Variants in SSBP3 observed in about 807,000 individuals in gnomAD.
SSBP3 encodes single-stranded DNA-binding protein 3.
Under a neutral mutation model 69.6 loss-of-function variants are expected in SSBP3, and 5 were observed. The observed-to-expected ratio is 0.07, with a 90% CI of 0.04 to 0.15. The LOEUF is 0.15. SSBP3 is among the 10% of genes least tolerant of loss of function. The pLI is 1.00. For synonymous variants in SSBP3, 196 were observed against 193.4 expected (o/e 1.01, Z -0.11); for missense variants, 312 against 534.0 (o/e 0.58, Z 4.10).
intron 14 of SSBP3, among the ~76,000 whole-genome samples, chr1:54,233,717 G>A (rs1644432225): frequency 6.6e-6 from 1 of 150,744 alleles, no homozygotes; most frequent in Non-Finnish European, 1.5e-5. Context: ...GGGAGGTGGG[G>A]GGGTCAGCCC....
At chr1:54,390,963 G>A (rs76925575) in intron 4 of SSBP3, among the ~76,000 whole-genome samples, 1 of 152,224 alleles carries the variant, frequency 6.6e-6, no homozygotes, top group South Asian at 2.1e-4. Context: ...TGGGCCATCT[G>A]CCCCCTCAGC....
chr1:54,296,052 C>A (rs1220754191), intron 4 of SSBP3, among the ~76,000 whole-genome samples: 1 of 152,238 alleles, frequency 6.6e-6, no homozygotes, highest in Non-Finnish European at 1.5e-5. Flanking sequence ...TGATTGGAGA[C>A]TGCAAAGGAG....
chr1:54,386,683 C>CCTTTTTTTTTTTTTT (rs1648105405), intron 4 of SSBP3, among the ~76,000 whole-genome samples: 10 of 76,138 alleles, frequency 1.3e-4, no homozygotes, highest in African/African-American at 6.9e-4. Flanking sequence ...ACTGATCCTA[C>CCTTTTTTTTTTTTTT]TTTTTTTTTT....
At chr1:54,323,505 T>C (rs555773229) in intron 4 of SSBP3, among the ~76,000 whole-genome samples, 1 of 152,318 alleles carries the variant, frequency 6.6e-6, no homozygotes, top group African/African-American at 2.4e-5. Context: ...TCCAGCCTCC[T>C]GTCCTGGCCT....
chr1:54,278,134 A>G (rs115701078), intron 5 of SSBP3, among the ~76,000 whole-genome samples: 5,300 of 152,202 alleles, frequency 0.035, 224 homozygotes, highest in South Asian at 0.23. Context: ...TCCCTGCTGC[A>G]AAACACCAGA....
intron 5 of SSBP3, 134 bp downstream of exon 5, chr1:54,281,304 T>G (rs925382025): frequency 1.0e-5 from 7 of 686,098 alleles, no homozygotes; most frequent in Admixed American, 3.2e-5. Context: ...AGGGAAGGAT[T>G]TGAACCAGCA....
intron 4 of SSBP3, among the ~76,000 whole-genome samples, chr1:54,369,223 G>GT (rs1016967309): frequency 4.0e-5 from 6 of 150,588 alleles, no homozygotes; most frequent in African/African-American, 1.5e-4. Flanking sequence ...TGAGTCGGGG[G>GT]GGGGGCCCAA....
chr1:54,227,181 AGGG>A, intron 17 of SSBP3, 21 bp from the exon 18 acceptor site: 176 of 524,324 alleles, frequency 3.4e-4, no homozygotes, highest in Non-Finnish European at 4.8e-4. Context: ...GAAGCAGAGA[AGGG>A]GGGGGGGTGA....
chr1:54,288,610 T>C (rs1029845640), intron 4 of SSBP3, among the ~76,000 whole-genome samples: 1 of 150,576 alleles, frequency 6.6e-6, no homozygotes, highest in African/African-American at 2.4e-5. Context: ...GTAGTATTTA[T>C]TCCCCAACAT....
chr1:54,372,686 G>A (rs761308286), intron 4 of SSBP3, among the ~76,000 whole-genome samples: 6 of 152,272 alleles, frequency 3.9e-5, no homozygotes, highest in Admixed American at 1.3e-4. Flanking sequence ...GGTTTCCGAC[G>A]CTCTTCCACC....
rs568438431 is a variant in SSBP3 at position 54,303,636 on chromosome 1, G to A, written c.277-22109C>T. 1.2e-4 allele frequency among the ~76,000 whole-genome samples: 18 copies of A among 152,164 alleles called. No individual in the cohort carries two copies. In the South Asian group the frequency reaches 1.2e-3, roughly 11 times the overall value. The stretch of plus-strand genomic sequence containing the variant: ...ACAGGTCCACCATGCTACAAATCTC[G>A]TGCTCTTAAATCTTTACACTCACAC... On this transcript the variant is annotated intron_variant, in intron 4 of 17. Transcript: ENST00000610401.
In SSBP3 at chr1:54,281,551, G is replaced by A. The variant is rs1275112202; in HGVS notation, c.277-24C>T. 3.2e-6 allele frequency: 5 copies of A among 1,549,448 alleles called. No homozygotes were observed. In the East Asian group the frequency reaches 7.3e-5, roughly 23 times the overall value. On this transcript the variant is annotated intron_variant, in intron 4 of 17. Transcript: ENST00000610401. ...CTCTGTGGAGACAACAAGGCAGAGAGTTAGTGGCCAAACCCACAACCAGAG... is the reference window on the plus strand; with the variant it reads ...CTCTGTGGAGACAACAAGGCAGAGAATTAGTGGCCAAACCCACAACCAGAG...
intron 4 of SSBP3, among the ~76,000 whole-genome samples, chr1:54,281,944 A>G (rs940802225): frequency 6.6e-6 from 1 of 151,954 alleles, no homozygotes; most frequent in Non-Finnish European, 1.5e-5. Flanking sequence ...AAAAAATAAA[A>G]AATTAGCTGG....
intron 4 of SSBP3, among the ~76,000 whole-genome samples, chr1:54,290,970 G>A (rs951357587): frequency 6.7e-4 from 102 of 152,246 alleles, no homozygotes; most frequent in African/African-American, 2.2e-3. Flanking sequence ...TCTTAAAGGA[G>A]CTACTTACAA....
rs556657067 is a variant in SSBP3 at position 54,319,225 on chromosome 1, G to A, written c.277-37698C>T. On this transcript the variant is annotated intron_variant, in intron 4 of 17. Coordinates refer to ENST00000610401, the Ensembl canonical transcript of SSBP3. The stretch of plus-strand genomic sequence containing the variant: ...GATGAGAAAACTGAGGCTCAGCGAA[G>A]AGCTAACATCCTTCTCAAACAGCTT... Among the ~76,000 whole-genome samples the A allele has an allele frequency of 5.9e-5, 9 of 152,294 alleles. No individual in the cohort carries two copies. In the South Asian group the frequency reaches 1.9e-3, roughly 32 times the overall value.
At chr1:54,312,629 T>C (rs1312594838) in intron 4 of SSBP3, among the ~76,000 whole-genome samples, 1 of 151,984 alleles carries the variant, frequency 6.6e-6, no homozygotes, top group Non-Finnish European at 1.5e-5. Flanking sequence ...CTTCACAGCC[T>C]CTACTATGGG....
At position 54,235,289 on chromosome 1, in the gene SSBP3, T is replaced by A. The variant is rs1415275862; in HGVS notation, c.927+3840A>T. 5.1e-3 allele frequency among the ~76,000 whole-genome samples: 548 copies of A among 107,190 alleles called. 3 individuals are homozygous for A. Among genetic ancestry groups the A allele is most frequent in the African/African-American group, 0.018 (519 of 28,808 alleles). The allele number at this position is 107,190 out of a possible 152,430, so 70.3% of individuals were successfully genotyped here. A position where few individuals can be genotyped will look rare whatever the true frequency, so the allele number is the denominator to read the frequency against. ...AGATGTCCAGTTTTTTTTTTTTTTT[T>A]TTTTTTTTTTGAGACAGAGTCTCAC... On this transcript the variant is annotated intron_variant, in intron 14 of 17. Transcript: ENST00000610401.
At position 54,252,111 on chromosome 1, in the gene SSBP3, G is replaced by A. The variant is rs564537506; in HGVS notation, c.508-251C>T. ...AGGGAAACCACCGCCTCATCCTGCT[G>A]TCTTGGGGTAGGGGGTCTGTGTACC... On this transcript the variant is annotated intron_variant, in intron 7 of 17. Coordinates refer to ENST00000610401, the Ensembl canonical transcript of SSBP3. Among the ~76,000 whole-genome samples the A allele has an allele frequency of 3.9e-5, 6 of 152,294 alleles. No individual in the cohort carries two copies. In the South Asian group the frequency reaches 1.2e-3, roughly 32 times the overall value.
At chr1:54,353,486 C>T (rs932970642) in intron 4 of SSBP3, among the ~76,000 whole-genome samples, 4 of 152,168 alleles carry the variant, frequency 2.6e-5, no homozygotes, top group Admixed American at 2.0e-4. Flanking sequence ...GAGATGTATC[C>T]ACTCTGAAAA....
Sources: gnomAD v4.1 joint callset for allele counts (sites outside exome capture counted in the v4.1 genomes callset) on GRCh38, gnomAD v4.1.1 for gene constraint, MANE v1.5 for transcripts, NCBI Gene and HGNC (gene_info 2026-07-23, HGNC 2026-07-21) for gene names.